Variants in SHISAL1 observed in about 807,000 individuals in gnomAD.
The protein encoded by SHISAL1 is protein shisa-like-1.
Under a neutral mutation model 22.6 loss-of-function variants are expected in SHISAL1, and 9 were observed. The ratio of observed to expected loss-of-function variants is 0.40; its 90% confidence interval spans 0.24 to 0.70. The LOEUF (loss-of-function observed/expected upper bound fraction) is 0.70, where lower values mean the gene tolerates loss of function less well. Among genes scored for constraint, SHISAL1 ranks in the 30% least tolerant of loss-of-function variants. SHISAL1 has a pLI of 0.39. For missense variants in SHISAL1, 246 were observed against 270.6 expected, an observed-to-expected ratio of 0.91 and a Z score of 0.64; for synonymous variants, 119 against 115.4, an observed-to-expected ratio of 1.03 and a Z score of -0.20.
intron 4 of SHISAL1, among the ~76,000 whole-genome samples, chr22:44,275,462 C>G (rs1020823013): frequency 5.9e-5 from 9 of 152,192 alleles, no homozygotes; most frequent in African/African-American, 2.2e-4. Context: ...TTCACTGACA[C>G]CTGTGGGCCA....
the SHISAL1 span, among the ~76,000 whole-genome samples, chr22:44,327,235 G>GC: frequency 1.1e-3 from 119 of 107,896 alleles, no homozygotes; most frequent in African/African-American, 4.2e-3. Context: ...GAGAGTGGGG[G>GC]GCGCGCACAC....
At chr22:44,320,085 T>A in the SHISAL1 span, among the ~76,000 whole-genome samples, 4 of 152,122 alleles carry the variant, frequency 2.6e-5, no homozygotes, top group African/African-American at 9.7e-5. Context: ...GCAAGAAACT[T>A]TTACTGAGCA....
intron 4 of SHISAL1, among the ~76,000 whole-genome samples, chr22:44,283,640 TGGCAAGTGTTC>T (rs1419870789): frequency 6.6e-6 from 1 of 152,198 alleles, no homozygotes; most frequent in Non-Finnish European, 1.5e-5. Flanking sequence ...TCCATCCCCT[TGGCAAGTGTTC>T]GGCGAGGTGT....
intron 4 of SHISAL1, among the ~76,000 whole-genome samples, chr22:44,251,580 A>G (rs905244718): frequency 1.3e-5 from 2 of 152,190 alleles, no homozygotes; most frequent in Non-Finnish European, 2.9e-5. Flanking sequence ...ACAGTTCCAC[A>G]TGTCTGGGGA....
At chr22:44,302,601 C>T (rs759232635) in intron 1 of SHISAL1, among the ~76,000 whole-genome samples, 7 of 152,106 alleles carry the variant, frequency 4.6e-5, no homozygotes, top group Admixed American at 3.3e-4. Context: ...AAGAGTGCTG[C>T]ACACGGAGGG....
chr22:44,302,002 C>T (rs1408672419), intron 1 of SHISAL1, among the ~76,000 whole-genome samples: 2 of 152,006 alleles, frequency 1.3e-5, no homozygotes, highest in African/African-American at 4.8e-5. Flanking sequence ...GGGAGGGTCG[C>T]ACAACACTGA....
intron 2 of SHISAL1, among the ~76,000 whole-genome samples, chr22:44,297,456 CA>C (rs2055395145): frequency 2.6e-5 from 4 of 152,350 alleles, no homozygotes; most frequent in Admixed American, 2.6e-4. Flanking sequence ...GGCATAGGTG[CA>C]AGGACCTCTT....
intron 3 of SHISAL1, among the ~76,000 whole-genome samples, chr22:44,287,090 C>T (rs1032631138): frequency 1.3e-5 from 2 of 152,226 alleles, no homozygotes; most frequent in African/African-American, 2.4e-5. Flanking sequence ...GGGGCCAGCC[C>T]GGAACCCGGA....
At chr22:44,296,412 AT>A (rs35413175) in intron 3 of SHISAL1, among the ~76,000 whole-genome samples, 42,044 of 152,022 alleles carry the variant, frequency 0.28, 6,263 homozygotes, top group Non-Finnish European at 0.34. Context: ...CACCCACCTC[AT>A]TCTCCCAAAG....
At position 44,292,375 on chromosome 22, in the gene SHISAL1, T is replaced by A. The variant is rs181858172; in HGVS notation, c.281+4297A>T. Among the ~76,000 whole-genome samples, 4 of 152,264 alleles carry A rather than the reference T, an allele frequency of 2.6e-5. No homozygotes were observed. The East Asian group carries it at 7.8e-4, about 30-fold the overall frequency. On this transcript the variant is annotated intron_variant, in intron 3 of 4. Coordinates refer to ENST00000381176, the MANE Select transcript of SHISAL1 (RefSeq NM_001099294.2). ...GGTGCGGTCCCCAGTGGCACACAAG[T>A]CCTGGCCTTCTAGATGCACCAAGGG...
At chr22:44,307,587 G>T (rs181706535) in intron 1 of SHISAL1, among the ~76,000 whole-genome samples, 81 of 152,272 alleles carry the variant, frequency 5.3e-4, no homozygotes, top group African/African-American at 1.8e-3. Flanking sequence ...CAAACAACTG[G>T]AAGAACATTC....
intron 4 of SHISAL1, among the ~76,000 whole-genome samples, chr22:44,274,580 G>A (rs1195013463): frequency 1.3e-5 from 2 of 152,124 alleles, no homozygotes; most frequent in Non-Finnish European, 2.9e-5. Context: ...TTGTATAAAC[G>A]CCCCGCTGTA....
At chr22:44,294,361 A>G (rs2147297253) in intron 3 of SHISAL1, among the ~76,000 whole-genome samples, 1 of 152,302 alleles carries the variant, frequency 6.6e-6, no homozygotes. Flanking sequence ...CCCTGAGTGA[A>G]TGCAGCATGG....
At chr22:44,302,272 G>A (rs1318107593) in intron 1 of SHISAL1, among the ~76,000 whole-genome samples, 3 of 151,410 alleles carry the variant, frequency 2.0e-5, no homozygotes, top group Non-Finnish European at 4.4e-5. Context: ...CCTGGGAGGT[G>A]GAGGCTGCAG....
the SHISAL1 span, among the ~76,000 whole-genome samples, chr22:44,318,944 G>A: frequency 3.3e-5 from 5 of 152,226 alleles, no homozygotes; most frequent in South Asian, 2.1e-4. Context: ...AGGATGCGGC[G>A]CTGGCCACAG....
At chr22:44,325,817 C>T in the SHISAL1 span, among the ~76,000 whole-genome samples, 2 of 151,906 alleles carry the variant, frequency 1.3e-5, no homozygotes, top group Non-Finnish European at 2.9e-5. Flanking sequence ...CGTGTGAGAC[C>T]CACACCAAGA....
the SHISAL1 span, among the ~76,000 whole-genome samples, chr22:44,322,190 G>C: frequency 2.0e-5 from 3 of 152,338 alleles, no homozygotes; most frequent in Non-Finnish European, 4.4e-5. Context: ...ATGGCAACCT[G>C]TCTCTTCTCA....
At chr22:44,287,278 G>A (rs2055322846) in intron 3 of SHISAL1, among the ~76,000 whole-genome samples, 1 of 152,178 alleles carries the variant, frequency 6.6e-6, no homozygotes, top group African/African-American at 2.4e-5. Flanking sequence ...AGGAAGATGG[G>A]GGCTGCTTCC....
At position 44,280,172 on chromosome 22, in the gene SHISAL1, G is replaced by T. The variant is rs555489395; in HGVS notation, c.599+5256C>A. On this transcript the variant is annotated intron_variant, in intron 4 of 4. Transcript: ENST00000381176. ...TGTGGGGCAGAGCACATTGGGAAGA[G>T]AACTGAGTCAAAAGCAAGGAGGTGT... Among the ~76,000 whole-genome samples, 108 of 152,294 alleles carry T rather than the reference G, an allele frequency of 7.1e-4. 1 individual carries two copies. The highest frequency in any genetic ancestry group is 2.4e-3 in the African/African-American group (99 of 41,572).
Sources: gnomAD v4.1 joint callset for allele counts (sites outside exome capture counted in the v4.1 genomes callset) on GRCh38, gnomAD v4.1.1 for gene constraint, MANE v1.5 for transcripts, NCBI Gene and HGNC (gene_info 2026-07-23, HGNC 2026-07-21) for gene names.